RGPD3: variants seen among roughly 807,000 people sequenced by gnomAD.
The protein encoded by RGPD3 is RANBP2 like and GRIP domain containing 3, also known as ranBP2-like and GRIP domain-containing protein 3.
Under a neutral mutation model 154.5 loss-of-function variants are expected in RGPD3, and 62 were observed. The ratio of observed to expected loss-of-function variants is 0.40; its 90% CI spans 0.33 to 0.50. The LOEUF (loss-of-function observed/expected upper bound fraction) is 0.50. RGPD3 is among the 20% of genes least tolerant of loss of function. RGPD3 has a pLI of 0.59. For missense variants in RGPD3, 919 were observed against 1,716.8 expected (o/e 0.54, Z 8.21); for synonymous variants, 308 against 607.0 (o/e 0.51, Z 7.24).
At chr2:106,445,024 C>T (rs1677864074) in intron 7 of RGPD3, among the ~76,000 whole-genome samples, 6 of 135,274 alleles carry the variant, frequency 4.4e-5, no homozygotes, top group Non-Finnish European at 6.3e-5. Context: ...TGGCAGGGCG[C>T]GGTGGCTCAC....
chr2:106,466,171 G>T (rs544346084), intron 1 of RGPD3, among the ~76,000 whole-genome samples: 49 of 152,198 alleles, frequency 3.2e-4, no homozygotes, highest in Non-Finnish European at 6.2e-4. Context: ...AACAAGCGTC[G>T]GGAACAAGCC....
At chr2:106,461,484 G>A (rs1422939902) in intron 1 of RGPD3, among the ~76,000 whole-genome samples, 2 of 152,274 alleles carry the variant, frequency 1.3e-5, no homozygotes, top group East Asian at 1.9e-4. Flanking sequence ...GCAGGAGGCC[G>A]TGAAATTTTT....
intron 6 of RGPD3, among the ~76,000 whole-genome samples, chr2:106,451,791 C>T (rs1678132197): frequency 6.6e-6 from 1 of 151,960 alleles, no homozygotes; most frequent in South Asian, 2.1e-4. Context: ...TTTTCTGAAA[C>T]ACCAGTGATG....
Position 106,424,747 on chromosome 2 carries a change from C to A in RGPD3, c.3220G>T (p.Val1074Leu), listed in dbSNP as rs771921971. Residue 1074 changes from valine (V) to leucine (L), a missense_variant, in exon 20 of 23, where the codon GTA (valine) becomes TTA (leucine). Transcript: ENST00000409886. Reference sequence around the variant, plus strand: ...AAGCCCCTTTCTTTCCACTGACTTACCTCAGCATCAAATCTAAATAGTTTT... The same window carrying A: ...AAGCCCCTTTCTTTCCACTGACTTAACTCAGCATCAAATCTAAATAGTTTT... ...GVKLFRFDAE[V>L]SQWKERGLGN... 3 of 1,611,936 alleles carry A rather than the reference C, an allele frequency of 1.9e-6. No individual in the cohort carries two copies. The Admixed American group carries it at 5.0e-5, about 27-fold the overall frequency.
At chr2:106,466,227 G>A (rs192376678) in intron 1 of RGPD3, among the ~76,000 whole-genome samples, 2 of 152,252 alleles carry the variant, frequency 1.3e-5, no homozygotes, top group Admixed American at 1.3e-4. Flanking sequence ...CGCCCGCAGC[G>A]GTCCCCCCAG....
intron 4 of RGPD3, among the ~76,000 whole-genome samples, chr2:106,455,120 A>G (rs868218787): frequency 0.013 from 1,948 of 151,826 alleles, 5 homozygotes; most frequent in South Asian, 0.027. Context: ...GTGAGCCGAG[A>G]TAGCACCACT....
In RGPD3 at chr2:106,468,320, A is replaced by G; in HGVS notation, c.-32T>C. ...ACCAACCTGGCTCCCGAGATGCGTGAGACCAGCGCTCAGCCCCGCAGCAGT... is the reference window on the plus strand; with the variant it reads ...ACCAACCTGGCTCCCGAGATGCGTGGGACCAGCGCTCAGCCCCGCAGCAGT... On this transcript the variant is annotated 5_prime_UTR_variant, in exon 1 of 23. Transcript: ENST00000409886. 2 of 1,588,750 alleles carry G rather than the reference A, an allele frequency of 1.3e-6. No homozygotes were observed. Among genetic ancestry groups the G allele is most frequent in the Non-Finnish European group, 1.7e-6 (2 of 1,168,874 alleles).
intron 9 of RGPD3, among the ~76,000 whole-genome samples, chr2:106,438,698 C>T (rs1677652007): frequency 1.3e-5 from 2 of 151,892 alleles, no homozygotes; most frequent in Admixed American, 1.3e-4. Flanking sequence ...AGTAGAATTA[C>T]TTGAACCCGG....
At chr2:106,413,021 C>T in intron 22 of RGPD3, 63 bp downstream of exon 22, 3 of 1,606,424 alleles carry the variant, frequency 1.9e-6, no homozygotes, top group East Asian at 2.2e-5. Flanking sequence ...GACAACTTCT[C>T]AACCACCAGG....
Position 106,423,834 on chromosome 2 carries a change from C to T in RGPD3, c.4133G>A (p.Gly1378Asp), listed in dbSNP as rs759915607. ...CTGTAAAATCTTTATATCACCAATG[C>T]CCCTTTCTTTCCATTGACCAACATC... ...DKDVGQWKER[G>D]IGDIKILQNY... Residue 1378 changes from glycine (G) to aspartate (D), a missense_variant, in exon 20 of 23, where the codon GGC becomes GAC. By Grantham distance (94) the Gly-to-Asp change is moderately conservative. Coordinates refer to ENST00000409886, the MANE Select transcript of RGPD3 (RefSeq NM_001144013.2). 9.3e-6 allele frequency: 15 copies of T among 1,611,854 alleles called. No individual in the cohort carries two copies. Among genetic ancestry groups the T allele is most frequent in the Non-Finnish European group, 1.2e-5 (14 of 1,179,860 alleles).
chr2:106,412,530 G>C lies in RGPD3; in HGVS notation c.5266+554C>G, dbSNP rs62146308. 1.9e-4 allele frequency among the ~76,000 whole-genome samples: 23 copies of C among 123,488 alleles called. No homozygotes were observed. In the South Asian group the frequency reaches 4.3e-3, roughly 23 times the overall value. 81.0% of individuals were successfully genotyped at this position (123,488 alleles called of 152,430 possible). Reference sequence around the variant, plus strand: ...TCACCATGTTGGCCAGGATGGTCTCGGTATCTTGATCTTGTGATCCGCCTG... The same window carrying C: ...TCACCATGTTGGCCAGGATGGTCTCCGTATCTTGATCTTGTGATCCGCCTG... On this transcript the variant is annotated intron_variant, in intron 22 of 22. Coordinates refer to ENST00000409886, the MANE Select transcript of RGPD3 (RefSeq NM_001144013.2).
At chr2:106,466,336 C>T (rs1369515477) in intron 1 of RGPD3, among the ~76,000 whole-genome samples, 1 of 150,818 alleles carries the variant, frequency 6.6e-6, no homozygotes, top group East Asian at 2.0e-4. Context: ...CCGTCAGGAG[C>T]CATGACGCCT....
rs1431073658 is a variant in RGPD3 at position 106,422,047 on chromosome 2, T to C, written c.4924+996A>G. ...ACCCAGCTGCTAAAAACTGCTGTTA[T>C]CTCATACTGAGAATGCTAGTTCTAT... On this transcript the variant is annotated intron_variant, in intron 20 of 22. Transcript: ENST00000409886. 2.0e-5 allele frequency among the ~76,000 whole-genome samples: 3 copies of C among 152,246 alleles called. No individual in the cohort carries two copies. The Middle Eastern group carries it at 0.01, about 521-fold the overall frequency.
In RGPD3 at chr2:106,405,027, G is replaced by C; in HGVS notation, c.*192C>G. The stretch of plus-strand genomic sequence containing the variant: ...AAGTTGAAACTTTTAAAATACATCT[G>C]TCATATAGATGTACAAATATATGTA... On this transcript the variant is annotated 3_prime_UTR_variant, in exon 23 of 23. Coordinates refer to ENST00000409886, the MANE Select transcript of RGPD3 (RefSeq NM_001144013.2). The C allele has an allele frequency of 1.4e-6, 1 of 708,078 alleles. No homozygotes were observed. Among genetic ancestry groups the C allele is most frequent in the Non-Finnish European group, 2.4e-6 (1 of 424,630 alleles). 43.9% of individuals were successfully genotyped at this position (708,078 alleles called of 1,614,324 possible).
chr2:106,450,705 C>CAAAAAA (rs768839840), intron 6 of RGPD3, among the ~76,000 whole-genome samples: 6 of 43,248 alleles, frequency 1.4e-4, no homozygotes, highest in African/African-American at 6.8e-4. Flanking sequence ...GACTCTGTCT[C>CAAAAAA]AAAAAAAAAA....
chr2:106,449,096 T>C (rs1223931153), intron 6 of RGPD3, among the ~76,000 whole-genome samples: 1 of 151,732 alleles, frequency 6.6e-6, no homozygotes, highest in Non-Finnish European at 1.5e-5. Flanking sequence ...ATTAAAAAGA[T>C]TTACAAAAAT....
intron 22 of RGPD3, among the ~76,000 whole-genome samples, chr2:106,407,264 C>T (rs1676544216): frequency 6.6e-6 from 1 of 151,976 alleles, no homozygotes; most frequent in Non-Finnish European, 1.5e-5. Flanking sequence ...AGATAGAAGC[C>T]ACAATCTCTT....
intron 6 of RGPD3, among the ~76,000 whole-genome samples, chr2:106,451,071 G>A (rs1199291506): frequency 3.1e-5 from 4 of 127,186 alleles, no homozygotes; most frequent in African/African-American, 6.0e-5. Context: ...CCTGGTGACA[G>A]AGCAAGACTC....
At chr2:106,428,695 GA>G (rs949576733) in intron 18 of RGPD3, among the ~76,000 whole-genome samples, 2 of 150,844 alleles carry the variant, frequency 1.3e-5, no homozygotes, top group African/African-American at 4.9e-5. Flanking sequence ...GAGAGAGAGA[GA>G]AAAAAAAGGG....
Sources: gnomAD v4.1 joint callset for allele counts (sites outside exome capture counted in the v4.1 genomes callset) on GRCh38, gnomAD v4.1.1 for gene constraint, MANE v1.5 for transcripts, NCBI Gene and HGNC (gene_info 2026-07-23, HGNC 2026-07-21) for gene names.